MAF: variants seen among roughly 807,000 people sequenced by gnomAD.
The protein encoded by MAF is MAF bZIP transcription factor.
In MAF, 10 loss-of-function variants were observed where a neutral mutation model predicts 22.0. The observed-to-expected ratio is 0.45, with a 90% CI of 0.28 to 0.77. The LOEUF is 0.77. Among genes scored for constraint, MAF ranks in the 30% least tolerant of loss-of-function variants. The pLI, the probability that MAF is intolerant of heterozygous loss-of-function variation, is 0.12. For synonymous variants in MAF, 337 were observed against 255.8 expected (o/e 1.32, Z -3.03); for missense variants, 544 against 548.4 (o/e 0.99, Z 0.08).
chr16:79,385,512 C>A, the MAF span, among the ~76,000 whole-genome samples: 244 of 152,334 alleles, frequency 1.6e-3, 2 homozygotes, highest in Admixed American at 2.9e-3. Context: ...TCCCTTTTAA[C>A]GTACGCAAGC....
chr16:79,596,621 G>A (rs1913542118), intron 1 of MAF: 1 of 1,040,258 alleles, frequency 9.6e-7, no homozygotes, highest in Non-Finnish European at 1.2e-6. Flanking sequence ...AGCAAAATAT[G>A]TAAAAGAAAA....
At chr16:79,230,738 TG>T in the MAF span, among the ~76,000 whole-genome samples, 6 of 152,124 alleles carry the variant, frequency 3.9e-5, no homozygotes, top group Non-Finnish European at 7.4e-5. Context: ...GTGTGCTTTC[TG>T]AAGCTAACAT....
the MAF span, among the ~76,000 whole-genome samples, chr16:79,483,473 A>T: frequency 1.3e-5 from 2 of 151,074 alleles, no homozygotes; most frequent in Non-Finnish European, 2.9e-5. Flanking sequence ...CATGGAGTGG[A>T]CAGGCCCGGA....
At chr16:79,549,799 C>T in the MAF span, among the ~76,000 whole-genome samples, 1 of 152,192 alleles carries the variant, frequency 6.6e-6, no homozygotes, top group Non-Finnish European at 1.5e-5. Flanking sequence ...CATCACCCTA[C>T]AGATTGAATC....
At chr16:79,329,260 A>G in the MAF span, among the ~76,000 whole-genome samples, 1 of 152,120 alleles carries the variant, frequency 6.6e-6, no homozygotes. Flanking sequence ...TCCTTATAAG[A>G]AGGGGGCTGC....
At chr16:79,368,837 T>A in the MAF span, among the ~76,000 whole-genome samples, 6 of 152,216 alleles carry the variant, frequency 3.9e-5, no homozygotes, top group African/African-American at 1.4e-4. Flanking sequence ...CAAACCTTCC[T>A]TGACCTCTAG....
the MAF span, among the ~76,000 whole-genome samples, chr16:79,433,088 C>T: frequency 1.4e-4 from 21 of 152,096 alleles, no homozygotes; most frequent in Non-Finnish European, 2.5e-4. Flanking sequence ...AAATCTGGGG[C>T]TCAGCAAAGC....
chr16:79,534,733 T>C, the MAF span, among the ~76,000 whole-genome samples: 5 of 152,106 alleles, frequency 3.3e-5, no homozygotes, highest in African/African-American at 4.8e-5. Context: ...ACTTAAAGTA[T>C]AATTTAAAAA....
At chr16:79,523,295 G>C in the MAF span, among the ~76,000 whole-genome samples, 1 of 152,198 alleles carries the variant, frequency 6.6e-6, no homozygotes, top group African/African-American at 2.4e-5. Flanking sequence ...TAATTCTCTA[G>C]GGTGAACAGA....
the MAF span, among the ~76,000 whole-genome samples, chr16:79,417,929 G>C: frequency 1.3e-5 from 2 of 152,060 alleles, no homozygotes; most frequent in African/African-American, 4.8e-5. Context: ...AAATTGCAGG[G>C]GTCCTCTGCT....
At chr16:79,536,953 T>A in the MAF span, among the ~76,000 whole-genome samples, 1 of 152,204 alleles carries the variant, frequency 6.6e-6, no homozygotes, top group Non-Finnish European at 1.5e-5. Flanking sequence ...GAGGGATGAC[T>A]ATTTCATGAT....
the MAF span, among the ~76,000 whole-genome samples, chr16:79,574,902 G>C: frequency 6.6e-6 from 1 of 152,132 alleles, no homozygotes; most frequent in Non-Finnish European, 1.5e-5. Context: ...AAAACTCAGA[G>C]TAAAATATGG....
chr16:79,585,542 T>C (rs74591732), downstream of MAF, among the ~76,000 whole-genome samples: 1,351 of 152,056 alleles, frequency 8.9e-3, 18 homozygotes, highest in African/African-American at 0.031. Context: ...TGAATGTCAG[T>C]AGACTCACGT....
At chr16:79,493,540 C>T in the MAF span, among the ~76,000 whole-genome samples, 2 of 152,182 alleles carry the variant, frequency 1.3e-5, no homozygotes, top group African/African-American at 2.4e-5. Context: ...TGTTGAACTC[C>T]TGATTTCAAG....
At chr16:79,211,679 C>T in the MAF span, 5 of 1,614,238 alleles carry the variant, frequency 3.1e-6, no homozygotes, top group Admixed American at 1.7e-5. Context: ...GGATGTACTT[C>T]AACAACTGCT....
At chr16:79,540,998 G>T in the MAF span, among the ~76,000 whole-genome samples, 22 of 151,830 alleles carry the variant, frequency 1.4e-4, no homozygotes, top group South Asian at 3.3e-3. Flanking sequence ...TACTACAACT[G>T]CTATTTTTAG....
the MAF span, among the ~76,000 whole-genome samples, chr16:79,498,793 A>G: frequency 6.6e-6 from 1 of 152,204 alleles, no homozygotes; most frequent in African/African-American, 2.4e-5. Flanking sequence ...TTCTTCTCTT[A>G]CAGCCCTTGA....
At chr16:79,474,055 G>C in the MAF span, among the ~76,000 whole-genome samples, 2 of 152,098 alleles carry the variant, frequency 1.3e-5, no homozygotes, top group Non-Finnish European at 2.9e-5. Flanking sequence ...GGGCACAGGA[G>C]AGAGGAAGAT....
chr16:79,384,996 G>A, the MAF span, among the ~76,000 whole-genome samples: 168 of 152,306 alleles, frequency 1.1e-3, no homozygotes, highest in East Asian at 0.014. Flanking sequence ...GGATTGCTGG[G>A]AACACACCTT....
Sources: gnomAD v4.1 joint callset for allele counts (sites outside exome capture counted in the v4.1 genomes callset) on GRCh38, gnomAD v4.1.1 for gene constraint, MANE v1.5 for transcripts, NCBI Gene and HGNC (gene_info 2026-07-23, HGNC 2026-07-21) for gene names.